AK8: variants seen among roughly 807,000 people sequenced by gnomAD.
AK8 encodes adenylate kinase 8, also known as ATP-AMP transphosphorylase 8.
Under a neutral mutation model 54.6 loss-of-function variants are expected in AK8, and 44 were observed. That is an observed-to-expected ratio of 0.81 (90% confidence interval 0.63 to 1.04). The LOEUF (loss-of-function observed/expected upper bound fraction) is 1.04, where lower values mean the gene tolerates loss of function less well. Ranked by LOEUF, AK8 falls within the 50% of genes least tolerant of loss-of-function variation. The pLI is 0.00. For missense variants in AK8, 555 were observed against 613.6 expected, an observed-to-expected ratio of 0.90 and a Z score of 1.01; for synonymous variants, 239 against 245.6, an observed-to-expected ratio of 0.97 and a Z score of 0.25.
chr9:132,826,799 A>G lies in AK8; in HGVS notation c.757+55T>C, dbSNP rs1266418799. 5.1e-6 allele frequency: 8 copies of G among 1,575,104 alleles called. No homozygotes were observed. The highest frequency in any genetic ancestry group is 7.0e-6 in the Non-Finnish European group (8 of 1,145,474). Reference sequence around the variant, plus strand: ...TAAGGGACAAAGTGGTAGAAGGCACAGCGAGCCCCGCCCTTGGCCGTCTGT... The same window carrying G: ...TAAGGGACAAAGTGGTAGAAGGCACGGCGAGCCCCGCCCTTGGCCGTCTGT... On this transcript the variant is annotated intron_variant, in intron 8 of 12. Coordinates refer to ENST00000298545, the MANE Select transcript of AK8 (RefSeq NM_152572.3). This position sits in a 1 kb window ranked among gnomAD's most constrained non-coding sequence, Gnocchi z 4.5.
Position 132,733,329 on chromosome 9 carries a change from C to T in AK8, c.1122-5795G>A, listed in dbSNP as rs539406976. Reference sequence around the variant, plus strand: ...GAACACGCGGCCCCCCTTGCACCCCCGGTACTGCAAGGCCCAACGGCAACA... The same window carrying T: ...GAACACGCGGCCCCCCTTGCACCCCTGGTACTGCAAGGCCCAACGGCAACA... On this transcript the variant is annotated intron_variant, in intron 11 of 12. Coordinates refer to ENST00000298545, the MANE Select transcript of AK8 (RefSeq NM_152572.3). 8.5e-5 allele frequency among the ~76,000 whole-genome samples: 13 copies of T among 152,330 alleles called. No homozygotes were observed. The South Asian group carries it at 1.9e-3, about 22-fold the overall frequency.
intron 11 of AK8, among the ~76,000 whole-genome samples, chr9:132,768,455 C>T (rs1376166051): frequency 6.6e-6 from 1 of 151,946 alleles, no homozygotes; most frequent in African/African-American, 2.4e-5. Flanking sequence ...TTAGTAGAGA[C>T]GGGGTTTCTC....
chr9:132,854,889 C>T lies in AK8; in HGVS notation c.370G>A (p.Glu124Lys). Residue 124 changes from glutamate to lysine, a missense_variant, in exon 5 of 13, where the codon GAA (glutamate) becomes AAA (lysine). Transcript: ENST00000298545. ...PSALLVQLIQ[E>K]RLAEEDCIKQ... The stretch of plus-strand genomic sequence containing the variant: ...ATGCAATCCTCTTCAGCCAGGCGTT[C>T]CTGAATCAGCTGGACGAGCAGCGCG... 6.2e-7 allele frequency: 1 copy of T among 1,614,098 alleles called. No homozygotes were observed. Among genetic ancestry groups the T allele is most frequent in the South Asian group, 1.1e-5 (1 of 91,082 alleles).
At chr9:132,839,615 C>T (rs1842454236) in intron 5 of AK8, among the ~76,000 whole-genome samples, 1 of 152,126 alleles carries the variant, frequency 6.6e-6, no homozygotes, top group South Asian at 2.1e-4. Flanking sequence ...TGCAGCAGGC[C>T]TAGCTTTTGT....
In AK8 at chr9:132,770,552, C is replaced by T. The variant is rs1395547286; in HGVS notation, c.1121+22082G>A. Among the ~76,000 whole-genome samples, 4 of 152,194 alleles carry T rather than the reference C, an allele frequency of 2.6e-5. No individual in the cohort carries two copies. In the East Asian group the frequency reaches 7.7e-4, roughly 29 times the overall value. On this transcript the variant is annotated intron_variant, in intron 11 of 12. Coordinates refer to ENST00000298545, the MANE Select transcript of AK8 (RefSeq NM_152572.3). This position sits in a 1 kb window ranked among gnomAD's most constrained non-coding sequence, Gnocchi z 4.3. ...ACGCGCGCCCTGCCCCTGGCTGTAA[C>T]CTGAGCAGCCCGCGTGAGGGTCAGT... is the stretch of plus-strand genomic sequence containing the variant.
intron 9 of AK8, among the ~76,000 whole-genome samples, 188 bp downstream of exon 9, chr9:132,823,017 C>T (rs1841712683): frequency 6.6e-6 from 1 of 152,104 alleles, no homozygotes; most frequent in African/African-American, 2.4e-5. Flanking sequence ...GGCAATATTC[C>T]TCGGGAGGAA....
intron 5 of AK8, among the ~76,000 whole-genome samples, chr9:132,829,042 C>T (rs1227839031): frequency 6.6e-6 from 1 of 151,820 alleles, no homozygotes; most frequent in Admixed American, 6.6e-5. Context: ...CTGCAACCTC[C>T]GCCTCCTGGG....
intron 10 of AK8, among the ~76,000 whole-genome samples, chr9:132,800,273 G>A (rs1840379683): frequency 6.6e-6 from 1 of 152,202 alleles, no homozygotes; most frequent in South Asian, 2.1e-4. Flanking sequence ...CCAGTGCCAG[G>A]ACCTGGCGCC....
chr9:132,794,400 T>A lies in AK8; in HGVS notation c.980-1625A>T, dbSNP rs552143212. 5.3e-5 allele frequency among the ~76,000 whole-genome samples: 8 copies of A among 152,204 alleles called. No homozygotes were observed. In the East Asian group the frequency reaches 1.4e-3, roughly 26 times the overall value. On this transcript the variant is annotated intron_variant, in intron 10 of 12. Transcript: ENST00000298545. ...CCCTTCGAACGTGCCACCTCCTCCA[T>A]CCGGAACACCCTTCTCCCACATCTT...
intron 11 of AK8, among the ~76,000 whole-genome samples, chr9:132,749,282 G>A (rs552928110): frequency 1.3e-5 from 2 of 152,106 alleles, no homozygotes; most frequent in East Asian, 3.9e-4. Context: ...TGATAGGTGT[G>A]GGAACTGGGT....
intron 11 of AK8, among the ~76,000 whole-genome samples, chr9:132,789,121 C>T (rs531367576): frequency 1.3e-5 from 2 of 151,992 alleles, no homozygotes; most frequent in African/African-American, 2.4e-5. Context: ...CGGTGAAACC[C>T]CGTCTCTACT....
At chr9:132,734,637 G>A (rs1413723320) in intron 11 of AK8, among the ~76,000 whole-genome samples, 1 of 152,152 alleles carries the variant, frequency 6.6e-6, no homozygotes, top group Non-Finnish European at 1.5e-5. Flanking sequence ...TTGGGAGGCT[G>A]AGGTGGGAGT....
Position 132,791,796 on chromosome 9 carries a change from C to T in AK8, c.1121+838G>A, listed in dbSNP as rs1839958876. On this transcript the variant is annotated intron_variant, in intron 11 of 12. Coordinates refer to ENST00000298545, the MANE Select transcript of AK8 (RefSeq NM_152572.3). The surrounding 1 kb of genome is among the most constrained non-coding windows in gnomAD (Gnocchi z 4.0). ...GTCAGACCACAATCTCTGCAGCAAT[C>T]AGCCCCAAAGGACCAGGACTTGATC... Among the ~76,000 whole-genome samples the T allele has an allele frequency of 6.6e-6, 1 of 152,234 alleles. No homozygotes were observed. The highest frequency in any genetic ancestry group is 1.5e-5 in the Non-Finnish European group (1 of 68,044).
chr9:132,768,225 C>T (rs1457094759), intron 11 of AK8, among the ~76,000 whole-genome samples: 2 of 151,952 alleles, frequency 1.3e-5, no homozygotes, highest in East Asian at 3.9e-4. Context: ...TGAATATGTA[C>T]CATTATTATC....
chr9:132,781,154 TC>T lies in AK8; in HGVS notation c.1121+11479del, dbSNP rs2131128083. On this transcript the variant is annotated intron_variant, in intron 11 of 12. Coordinates refer to ENST00000298545, the MANE Select transcript of AK8 (RefSeq NM_152572.3). This position sits in a 1 kb window ranked among gnomAD's most constrained non-coding sequence, Gnocchi z 4.6. Reference sequence around the variant, plus strand: ...GGATGCAGCCATGAACATAGTTCTTTCTTTGTTTCTTTCTTTCTTTCTTTTT... The same window carrying T: ...GGATGCAGCCATGAACATAGTTCTTTTTTGTTTCTTTCTTTCTTTCTTTTT... 1.3e-5 allele frequency among the ~76,000 whole-genome samples: 2 copies of T among 150,038 alleles called. No individual in the cohort carries two copies. Among genetic ancestry groups the T allele is most frequent in the African/African-American group, 4.8e-5 (2 of 41,500 alleles).
intron 3 of AK8, 134 bp downstream of exon 3, chr9:132,866,770 T>C: frequency 2.3e-6 from 2 of 884,380 alleles, no homozygotes; most frequent in Non-Finnish European, 3.6e-6. Flanking sequence ...CACTACCTTT[T>C]GTAATAAGAA....
intron 5 of AK8, among the ~76,000 whole-genome samples, chr9:132,833,034 G>T (rs1478951207): frequency 2.6e-5 from 4 of 152,188 alleles, no homozygotes; most frequent in Non-Finnish European, 2.9e-5. Context: ...ACCCCCCACT[G>T]TATGGAGAAG....
At chr9:132,734,892 A>G (rs1480689644) in intron 11 of AK8, among the ~76,000 whole-genome samples, 1 of 152,160 alleles carries the variant, frequency 6.6e-6, no homozygotes, top group Non-Finnish European at 1.5e-5. Flanking sequence ...TTAGCTAGGC[A>G]TGGTGGCATG....
intron 5 of AK8, among the ~76,000 whole-genome samples, chr9:132,838,691 G>A (rs1842421548): frequency 6.6e-6 from 1 of 152,208 alleles, no homozygotes; most frequent in Admixed American, 6.5e-5. Context: ...GTCAGTGGGT[G>A]GGGCTCCTGT....
Sources: allele counts gnomAD v4.1 joint callset (sites outside exome capture counted in the v4.1 genomes callset), GRCh38; gene constraint gnomAD v4.1.1; non-coding constraint Gnocchi (gnomAD v3.1); transcripts MANE v1.5; gene names NCBI Gene and HGNC (gene_info 2026-07-23, HGNC 2026-07-21).